Variants in HELLS observed in about 807,000 individuals in gnomAD.
The protein encoded by HELLS is helicase, lymphoid specific.
Under a neutral mutation model 120.0 loss-of-function variants are expected in HELLS, and 32 were observed. The observed-to-expected ratio is 0.27, with a 90% CI of 0.20 to 0.36. HELLS has a LOEUF of 0.36. Among genes scored for constraint, HELLS ranks in the 10% least tolerant of loss-of-function variants. The pLI is 1.00. For synonymous variants in HELLS, 341 were observed against 323.4 expected (o/e 1.05, Z -0.58); for missense variants, 650 against 993.4 (o/e 0.65, Z 4.65).
intron 9 of HELLS, among the ~76,000 whole-genome samples, chr10:94,608,200 T>TTC (rs1846148591): frequency 6.6e-6 from 1 of 152,258 alleles, no homozygotes. Flanking sequence ...TTGAAATGTA[T>TTC]TCTTAAAACT....
At chr10:94,561,909 G>C (rs910120303) in intron 4 of HELLS, among the ~76,000 whole-genome samples, 1 of 151,492 alleles carries the variant, frequency 6.6e-6, no homozygotes, top group Non-Finnish European at 1.5e-5. Context: ...CCTACCTATT[G>C]AAGGGTATTC....
intron 6 of HELLS, among the ~76,000 whole-genome samples, chr10:94,563,439 T>G (rs1303445990): frequency 2.0e-5 from 3 of 152,038 alleles, no homozygotes; most frequent in African/African-American, 4.8e-5. Context: ...TTGTTCTGGT[T>G]TTCTTTTCTT....
At chr10:94,557,191 A>T in intron 3 of HELLS, 1 of 429,558 alleles carries the variant, frequency 2.3e-6, no homozygotes, top group South Asian at 1.7e-5. Context: ...TGTTATGAAG[A>T]TTTAAAAACT....
intron 2 of HELLS, among the ~76,000 whole-genome samples, chr10:94,549,755 C>T (rs559270044): frequency 4.0e-5 from 6 of 151,594 alleles, no homozygotes; most frequent in South Asian, 4.2e-4. Flanking sequence ...TGCAATTTAC[C>T]GTAATATAAT....
At chr10:94,559,420 C>A (rs1354930253) in intron 4 of HELLS, among the ~76,000 whole-genome samples, 6 of 151,576 alleles carry the variant, frequency 4.0e-5, no homozygotes, top group African/African-American at 1.5e-4. Flanking sequence ...GCCCTGAGTT[C>A]GATATTTATT....
intron 6 of HELLS, among the ~76,000 whole-genome samples, chr10:94,565,128 G>A (rs555500923): frequency 2.7e-4 from 41 of 152,304 alleles, no homozygotes; most frequent in Middle Eastern, 6.8e-3. Context: ...CGTGAGGCCA[G>A]GAGTTCGAAA....
At chr10:94,610,805 G>C (rs1846185843) in exon 10 of HELLS, 1 of 152,256 alleles carries the variant, frequency 6.6e-6, no homozygotes, top group African/African-American at 2.4e-5. Flanking sequence ...GGCCAGGCTA[G>C]CCTCGAACTC....
At chr10:94,602,534 A>G (rs1268964244), downstream of HELLS, among the ~76,000 whole-genome samples, 1 of 152,222 alleles carries the variant, frequency 6.6e-6, no homozygotes. Context: ...GACATACTCC[A>G]TAAGCCATAC....
intron 2 of HELLS, among the ~76,000 whole-genome samples, chr10:94,551,736 ATTTCT>A (rs1361323191): frequency 4.7e-5 from 7 of 150,174 alleles, no homozygotes; most frequent in African/African-American, 1.2e-4. Context: ...TCATACCCCC[ATTTCT>A]TTTCTTTTTT....
chr10:94,603,567 A>G (rs1264680152), downstream of HELLS, among the ~76,000 whole-genome samples: 1 of 152,162 alleles, frequency 6.6e-6, no homozygotes, highest in African/African-American at 2.4e-5. Context: ...TGGTGACTCA[A>G]ATTTATATCT....
intron 7 of HELLS, among the ~76,000 whole-genome samples, chr10:94,572,952 G>A (rs1844249473): frequency 6.6e-6 from 1 of 151,926 alleles, no homozygotes; most frequent in Admixed American, 6.6e-5. Flanking sequence ...TGATAACTAT[G>A]TTTTCTTTCT....
At chr10:94,557,844 T>C (rs777587653) in intron 3 of HELLS, among the ~76,000 whole-genome samples, 2 of 152,226 alleles carry the variant, frequency 1.3e-5, no homozygotes, top group Admixed American at 6.5e-5. Context: ...GGCAGTAAGC[T>C]GGGCAGTCAG....
chr10:94,546,364 T>C lies in HELLS; in HGVS notation c.32-13T>C, dbSNP rs1255374285. 1.9e-6 allele frequency: 3 copies of C among 1,613,862 alleles called. No homozygotes were observed. The highest frequency in any genetic ancestry group is 2.5e-6 in the Non-Finnish European group (3 of 1,180,004). ...TTTTAAAACTGCAATTTGAAAGCTTTCTCCCCCGTCAGGCTCGGAGGCTCC... is the reference window on the plus strand; with the variant it reads ...TTTTAAAACTGCAATTTGAAAGCTTCCTCCCCCGTCAGGCTCGGAGGCTCC... On this transcript the variant is annotated splice_polypyrimidine_tract_variant and intron_variant, in intron 1 of 21. Coordinates refer to ENST00000348459, the MANE Select transcript of HELLS (RefSeq NM_018063.5).
intron 10 of HELLS, among the ~76,000 whole-genome samples, chr10:94,579,201 C>CTTTTTTT (rs11431624): frequency 7.5e-6 from 1 of 133,868 alleles, no homozygotes; most frequent in African/African-American, 2.9e-5. Context: ...CTACTTTTTT[C>CTTTTTTT]TTTTTTTTTT....
chr10:94,598,465 T>G (rs1049391152), intron 21 of HELLS, among the ~76,000 whole-genome samples: 1 of 151,882 alleles, frequency 6.6e-6, no homozygotes, highest in Non-Finnish European at 1.5e-5. Flanking sequence ...TCAGTTTTTG[T>G]TTTTTTTGAG....
chr10:94,591,648 T>A (rs928332061), intron 15 of HELLS, among the ~76,000 whole-genome samples: 1 of 152,204 alleles, frequency 6.6e-6, no homozygotes, highest in Non-Finnish European at 1.5e-5. Flanking sequence ...TTGCTGCCGC[T>A]GCCAAATATA....
chr10:94,594,190 T>A (rs558329683), intron 18 of HELLS, among the ~76,000 whole-genome samples: 28 of 151,712 alleles, frequency 1.8e-4, no homozygotes, highest in African/African-American at 6.0e-4. Context: ...AAATTGAAAA[T>A]TTTTTTTTAC....
intron 6 of HELLS, chr10:94,570,790 T>G (rs1014424566): frequency 2.6e-5 from 4 of 152,142 alleles, no homozygotes; most frequent in African/African-American, 9.7e-5. Flanking sequence ...TACCCAGGAA[T>G]GCAAACTCAG....
chr10:94,567,767 G>A (rs1843896637), intron 6 of HELLS, among the ~76,000 whole-genome samples: 1 of 152,218 alleles, frequency 6.6e-6, no homozygotes, highest in South Asian at 2.1e-4. Context: ...AAATAGCCAG[G>A]TGTGGTGGTG....
Sources: allele counts gnomAD v4.1 joint callset (sites outside exome capture counted in the v4.1 genomes callset), GRCh38; gene constraint gnomAD v4.1.1; transcripts MANE v1.5; gene names NCBI Gene and HGNC (gene_info 2026-07-23, HGNC 2026-07-21).